The following YIPF1 variants were observed in gnomAD, a reference collection of about 807,000 sequenced individuals.
The protein encoded by YIPF1 is protein YIPF1.
In YIPF1, 22 loss-of-function variants were observed where a neutral mutation model predicts 37.0. That is an observed-to-expected ratio of 0.59 (90% CI 0.42 to 0.85). YIPF1 has a LOEUF of 0.85. Ranked by LOEUF, YIPF1 falls within the 40% of genes least tolerant of loss-of-function variation. The probability of loss-of-function intolerance (pLI) is 0.00; values close to 1 mark genes in which losing one functional copy is unlikely to be tolerated. For missense variants in YIPF1, 355 were observed against 373.1 expected (o/e 0.95, Z 0.40); for synonymous variants, 128 against 131.9 (o/e 0.97, Z 0.21).
chr1:53,880,261 G>GACAAC (rs200467182), intron 4 of YIPF1, among the ~76,000 whole-genome samples: 1,712 of 151,952 alleles, frequency 0.011, 36 homozygotes, highest in African/African-American at 0.039. Context: ...CCTATACACC[G>GACAAC]ACAACAGGCA....
chr1:53,875,462 A>G (rs1650310934), intron 6 of YIPF1, among the ~76,000 whole-genome samples: 1 of 152,186 alleles, frequency 6.6e-6, no homozygotes, highest in Non-Finnish European at 1.5e-5. Flanking sequence ...GGCTGCAGTG[A>G]GCCATTATCG....
chr1:53,869,614 G>T (rs1294822165), intron 7 of YIPF1, among the ~76,000 whole-genome samples: 1 of 152,180 alleles, frequency 6.6e-6, no homozygotes, highest in Admixed American at 6.5e-5. Context: ...CTCGACAGCA[G>T]AGCAGGCAGG....
At chr1:53,879,109 T>TG in intron 4 of YIPF1, among the ~76,000 whole-genome samples, 1 of 151,930 alleles carries the variant, frequency 6.6e-6, no homozygotes, top group Non-Finnish European at 1.5e-5. Flanking sequence ...CGCTTTTTTT[T>TG]TTTGAGATGG....
Position 53,863,543 on chromosome 1 carries a change from CA to C in YIPF1, c.831+2656del, listed in dbSNP as rs1649940646. ...ATGAGGAAACCAAGGTTCTGAGAAGCAAGTCTCTTGCCTAGGTTTGCAGCGC... is the reference window on the plus strand; with the variant it reads ...ATGAGGAAACCAAGGTTCTGAGAAGCAGTCTCTTGCCTAGGTTTGCAGCGC... On this transcript the variant is annotated intron_variant, in intron 9 of 10. Transcript: ENST00000072644. 2.6e-5 allele frequency among the ~76,000 whole-genome samples: 4 copies of C among 152,320 alleles called. No individual in the cohort carries two copies. In the South Asian group the frequency reaches 8.3e-4, roughly 32 times the overall value.
intron 5 of YIPF1, 100 bp downstream of exon 5, chr1:53,878,542 T>C: frequency 2.0e-6 from 3 of 1,474,628 alleles, no homozygotes; most frequent in South Asian, 1.2e-5. Flanking sequence ...TGTAAGACCA[T>C]TTTCAGTATA....
At chr1:53,875,226 C>A (rs1389935731) in intron 6 of YIPF1, among the ~76,000 whole-genome samples, 1 of 152,154 alleles carries the variant, frequency 6.6e-6, no homozygotes, top group African/African-American at 2.4e-5. Flanking sequence ...TAGAGTATGT[C>A]ACTCCTGGCT....
chr1:53,852,542 C>T (rs1209594570), intron 10 of YIPF1, among the ~76,000 whole-genome samples: 1 of 152,314 alleles, frequency 6.6e-6, no homozygotes, highest in East Asian at 1.9e-4. Flanking sequence ...GATCCTAAAG[C>T]TACCTTTGCC....
chr1:53,866,449 T>G, intron 8 of YIPF1, 67 bp from the exon 9 acceptor site: 1 of 1,534,394 alleles, frequency 6.5e-7, no homozygotes, highest in Non-Finnish European at 8.8e-7. Flanking sequence ...GGCACATATG[T>G]TTACAAAGGC....
At chr1:53,852,604 G>A (rs539117144) in intron 10 of YIPF1, among the ~76,000 whole-genome samples, 50 of 152,304 alleles carry the variant, frequency 3.3e-4, no homozygotes, top group African/African-American at 1.2e-3. Context: ...AGCACTAGAG[G>A]AGAAAAGATA....
At chr1:53,883,391 T>C in intron 3 of YIPF1, 115 bp from the exon 4 acceptor site, 1 of 1,178,556 alleles carries the variant, frequency 8.5e-7, no homozygotes. Flanking sequence ...CCCTACCTGA[T>C]ACAAAGGGCA....
chr1:53,869,492 A>G (rs1650120364), intron 7 of YIPF1, among the ~76,000 whole-genome samples: 2 of 152,314 alleles, frequency 1.3e-5, no homozygotes, highest in South Asian at 4.1e-4. Flanking sequence ...TCTGAGGCTC[A>G]GACATAAAAT....
At position 53,883,228 on chromosome 1, in the gene YIPF1, G is replaced by C; in HGVS notation, c.80C>G (p.Thr27Arg). 6.3e-7 allele frequency: 1 copy of C among 1,592,508 alleles called. No individual in the cohort carries two copies. The highest frequency in any genetic ancestry group is 1.1e-5 in the South Asian group (1 of 87,032). The part of the protein sequence containing the change: ...TSLTANPDAT[T>R]VNIEDPGETP... ...TTCACCAGGATCCTCAATGTTTACT[G>C]TGGTGGCATCTGGGTTTGCTGTCAG... Residue 27 changes from threonine (T) to arginine (R), a missense_variant, in exon 4 of 11, where the codon ACA (threonine) becomes AGA (arginine). By Grantham distance (71) the Thr-to-Arg change is moderately conservative (BLOSUM62 -1). Transcript: ENST00000072644.
intron 10 of YIPF1, chr1:53,854,856 G>A (rs1201141507): frequency 6.6e-6 from 1 of 152,028 alleles, no homozygotes; most frequent in Admixed American, 6.6e-5. Context: ...GTGTCTGCTG[G>A]GTGCTAGGGA....
chr1:53,872,028 G>GTGTGTGTGTGTGTGTGTGTGTT (rs1435355968), intron 6 of YIPF1, among the ~76,000 whole-genome samples: 1 of 150,796 alleles, frequency 6.6e-6, no homozygotes, highest in Non-Finnish European at 1.5e-5. Flanking sequence ...GTGTGTGTGT[G>GTGTGTGTGTGTGTGTGTGTGTT]TGCTTAAGGC....
Position 53,880,367 on chromosome 1 carries a change from C to T in YIPF1, c.196-1645G>A, listed in dbSNP as rs142422071. 4.7e-3 allele frequency among the ~76,000 whole-genome samples: 715 copies of T among 152,154 alleles called. 7 individuals are homozygous for T. Among genetic ancestry groups the T allele is most frequent in the African/African-American group, 0.016 (660 of 41,526 alleles). ...ACCTAGGAACAAGGGAAGTAAAGGA[C>T]CTCTTCAAAGAAAACTATAAACTAC... On this transcript the variant is annotated intron_variant, in intron 4 of 10. Coordinates refer to ENST00000072644, the MANE Select transcript of YIPF1 (RefSeq NM_018982.5).
Position 53,860,113 on chromosome 1 carries a change from G to A in YIPF1, c.872C>T (p.Thr291Ile), listed in dbSNP as rs200904837. The stretch of plus-strand genomic sequence containing the variant: ...TGTTTGGTTTGGAGTAGCTGTAGTT[G>A]TTGGGAGATGGTCCATCTCTGGTGC... ...FDAPEMDHLP[T>I]TTATPNQTVA... The change falls in exon 10 of 11, where the codon ACA becomes ATA. Residue 291 changes from threonine to isoleucine, a missense_variant. By Grantham distance (89) the Thr-to-Ile change is moderately conservative. Transcript: ENST00000072644. 11 of 1,614,026 alleles carry A rather than the reference G, an allele frequency of 6.8e-6. No homozygotes were observed. The East Asian group carries it at 2.0e-4, about 29-fold the overall frequency.
At chr1:53,871,289 A>T (rs1650184452) in intron 7 of YIPF1, 83 bp downstream of exon 7, 6 of 1,207,476 alleles carry the variant, frequency 5.0e-6, no homozygotes. Context: ...GCATCTAGAG[A>T]TGGGGCCCAG....
At chr1:53,876,990 CT>C (rs959160425) in intron 6 of YIPF1, among the ~76,000 whole-genome samples, 6 of 152,330 alleles carry the variant, frequency 3.9e-5, no homozygotes, top group African/African-American at 1.4e-4. Flanking sequence ...ACGCTTGGCA[CT>C]TATAAGGTAT....
chr1:53,879,953 G>A (rs1650445704), intron 4 of YIPF1, among the ~76,000 whole-genome samples: 1 of 152,038 alleles, frequency 6.6e-6, no homozygotes, highest in Admixed American at 6.6e-5. Context: ...CCCCAACCAA[G>A]GAAAGCATTC....
Sources: allele counts gnomAD v4.1 joint callset (sites outside exome capture counted in the v4.1 genomes callset), GRCh38; gene constraint gnomAD v4.1.1; transcripts MANE v1.5; gene names NCBI Gene and HGNC (gene_info 2026-07-23, HGNC 2026-07-21).